XPO1: variants seen among roughly 807,000 people sequenced by gnomAD.
The protein encoded by XPO1 is exportin-1.
In XPO1, 5 loss-of-function variants were observed where a neutral mutation model predicts 133.3. That is an observed-to-expected ratio of 0.04 (90% CI 0.02 to 0.08). The LOEUF (loss-of-function observed/expected upper bound fraction) is 0.08. XPO1 is among the 10% of genes least tolerant of loss of function. XPO1 has a pLI of 1.00. For missense variants in XPO1, 506 were observed against 1,267.5 expected, an observed-to-expected ratio of 0.40 and a Z score of 9.12; for synonymous variants, 419 against 408.2, an observed-to-expected ratio of 1.03 and a Z score of -0.32.
intron 21 of XPO1, 22 bp from the exon 22 acceptor site, chr2:61,483,113 T>C: frequency 6.2e-7 from 1 of 1,600,188 alleles, no homozygotes; most frequent in Middle Eastern, 2.2e-4. Flanking sequence ...AGAATACCAA[T>C]GGAAAGTTAC....
rs774994664 is a variant in XPO1 at position 61,478,804 on chromosome 2, A to G, written c.*16T>C. Reference sequence around the variant, plus strand: ...CTAACGAGTTGCAGAGAAAAAAAACAGCATGAATTTGGATTTTAATCACAC... The same window carrying G: ...CTAACGAGTTGCAGAGAAAAAAAACGGCATGAATTTGGATTTTAATCACAC... On this transcript the variant is annotated 3_prime_UTR_variant, in exon 25 of 25. Transcript: ENST00000401558. 3.7e-6 allele frequency: 6 copies of G among 1,611,336 alleles called. No individual in the cohort carries two copies. The highest frequency in any genetic ancestry group is 5.1e-6 in the Non-Finnish European group (6 of 1,178,828).
Position 61,481,167 on chromosome 2 carries a change from G to A in XPO1, c.3069+18C>T. The A allele has an allele frequency of 3.9e-6, 6 of 1,551,062 alleles. No individual in the cohort carries two copies. Among genetic ancestry groups the A allele is most frequent in the Admixed American group, 1.9e-5 (1 of 52,982 alleles). On this transcript the variant is annotated intron_variant, in intron 24 of 24. Transcript: ENST00000401558. The stretch of plus-strand genomic sequence containing the variant: ...ACATCTACCCCTAATATTTCTGCAA[G>A]AGCAAATAAATACATACCTTTATTT...
At chr2:61,513,001 A>G (rs933081393) in intron 4 of XPO1, among the ~76,000 whole-genome samples, 2 of 152,212 alleles carry the variant, frequency 1.3e-5, no homozygotes, top group Admixed American at 6.5e-5. Flanking sequence ...TCTGTCTCAA[A>G]TAAATATATA....
intron 16 of XPO1, among the ~76,000 whole-genome samples, chr2:61,491,455 AACAAACAC>A (rs748719571): frequency 1.3e-3 from 123 of 91,308 alleles, no homozygotes; most frequent in Non-Finnish European, 2.0e-3. Context: ...CATCTCAAAA[AACAAACAC>A]ACACACACAC....
intron 11 of XPO1, among the ~76,000 whole-genome samples, chr2:61,494,936 G>C (rs1697172071): frequency 6.6e-6 from 1 of 151,628 alleles, no homozygotes; most frequent in Admixed American, 6.6e-5. Context: ...CAGCCTACTG[G>C]GCTAAAGCAA....
chr2:61,497,643 G>C (rs565562661), intron 9 of XPO1, among the ~76,000 whole-genome samples: 1 of 152,232 alleles, frequency 6.6e-6, no homozygotes, highest in African/African-American at 2.4e-5. Context: ...TGATTGCTTA[G>C]AATTTTGGGA....
chr2:61,514,605 A>AG (rs1455198243), intron 4 of XPO1, among the ~76,000 whole-genome samples: 4 of 151,524 alleles, frequency 2.6e-5, no homozygotes, highest in Non-Finnish European at 5.9e-5. Context: ...AAAAAAAAAA[A>AG]AAAAAAGAAA....
At chr2:61,499,167 A>G (rs1697383690) in intron 7 of XPO1, among the ~76,000 whole-genome samples, 1 of 152,250 alleles carries the variant, frequency 6.6e-6, no homozygotes, top group Admixed American at 6.5e-5. Flanking sequence ...CCAGTTGCTT[A>G]CTATTAGAGG....
Position 61,537,794 on chromosome 2 carries a change from C to G in XPO1, c.-239G>C, listed in dbSNP as rs531441382. ...ACACACACACACACACCCGCCCCCC[C>G]CCAAAAGGGGAATTAATCTGGGGAA... On this transcript the variant is annotated 5_prime_UTR_variant, in exon 1 of 25. Transcript: ENST00000401558. The G allele has an allele frequency of 1.3e-5, 2 of 155,200 alleles. No homozygotes were observed. The highest frequency in any genetic ancestry group is 2.1e-4 in the South Asian group (1 of 4,866). 9.6% of individuals were successfully genotyped at this position (155,200 alleles called of 1,614,324 possible). A position where few individuals can be genotyped will look rare whatever the true frequency, so the allele number is the denominator to read the frequency against.
rs147864835 is a variant in XPO1 at position 61,495,270 on chromosome 2, G to A, written c.1047+185C>T. ...ATAAATTTTTAGTCCTAGCTTTATG[G>A]AGAACATAAAATCAGAAAACTGGGC... On this transcript the variant is annotated intron_variant, in intron 11 of 24. Coordinates refer to ENST00000401558, the MANE Select transcript of XPO1 (RefSeq NM_003400.4). 4.8e-3 allele frequency among the ~76,000 whole-genome samples: 729 copies of A among 152,110 alleles called. 4 individuals carry two copies. The highest frequency in any genetic ancestry group is 0.017 in the African/African-American group (692 of 41,500).
At chr2:61,511,820 A>G (rs1698112797) in intron 4 of XPO1, among the ~76,000 whole-genome samples, 1 of 152,040 alleles carries the variant, frequency 6.6e-6, no homozygotes, top group Non-Finnish European at 1.5e-5. Flanking sequence ...ATGCAGTGGC[A>G]TGATCACAGC....
Position 61,478,918 on chromosome 2 carries a change from T to C in XPO1, c.3118A>G (p.Ile1040Val), listed in dbSNP as rs1696188907. 6.2e-7 allele frequency: 1 copy of C among 1,614,148 alleles called. No homozygotes were observed. ...TCTTCATCAGCCTGCCGTAGGGCTA[T>C]TTCTCTCTCTTCCAAAAACAAATCA... The part of the protein sequence containing the change: ...TSDLFLEERE[I>V]ALRQADEEKH... The change falls in exon 25 of 25, where the codon ATA becomes GTA. Residue 1040 changes from isoleucine (I) to valine (V), a missense_variant. Transcript: ENST00000401558.
chr2:61,536,572 A>G (rs1380469058), intron 1 of XPO1: 1 of 152,266 alleles, frequency 6.6e-6, no homozygotes, highest in East Asian at 1.9e-4. Context: ...AAGGCGAAAG[A>G]CTGCTCCTTA....
At chr2:61,482,901 G>A in intron 22 of XPO1, 56 bp downstream of exon 22, 2 of 1,604,746 alleles carry the variant, frequency 1.2e-6, no homozygotes, top group South Asian at 2.2e-5. Flanking sequence ...GGGATTATAG[G>A]CGTGAGGCCC....
rs35237510 is a variant in XPO1, at chr2:61,515,937, CCACACA to C, written c.301+6668_301+6673del. Among the ~76,000 whole-genome samples, 347 of 110,760 alleles carry C rather than the reference CCACACA, an allele frequency of 3.1e-3. 1 individual carries two copies. The highest frequency in any genetic ancestry group is 0.012 in the African/African-American group (303 of 25,728). 72.7% of individuals were successfully genotyped at this position (110,760 alleles called of 152,430 possible). A position where few individuals can be genotyped will look rare whatever the true frequency, so the allele number is the denominator to read the frequency against. On this transcript the variant is annotated intron_variant, in intron 4 of 24. Coordinates refer to ENST00000401558, the MANE Select transcript of XPO1 (RefSeq NM_003400.4). ...TCTCTACTAAAAAAAAAAAAAAAAA[CCACACA>C]CACACACACACACACACACACACAC... is the stretch of plus-strand genomic sequence containing the variant.
Position 61,499,583 on chromosome 2 carries a change from T to C in XPO1, c.590+130A>G, listed in dbSNP as rs147468669. The C allele has an allele frequency of 9.5e-5, 86 of 905,098 alleles. No individual in the cohort carries two copies. The African/African-American group carries it at 1.2e-3, about 13-fold the overall frequency. 56.1% of individuals were successfully genotyped at this position (905,098 alleles called of 1,614,324 possible). A position where few individuals can be genotyped will look rare whatever the true frequency, so the allele number is the denominator to read the frequency against. On this transcript the variant is annotated intron_variant, in intron 7 of 24. Transcript: ENST00000401558. The stretch of plus-strand genomic sequence containing the variant: ...TCTAGGACTATTTCTTAATCTGCAG[T>C]TGAAAACCACTACAAGCAATTTAAC...
At chr2:61,489,304 T>G (rs976751100) in intron 17 of XPO1, among the ~76,000 whole-genome samples, 4 of 150,438 alleles carry the variant, frequency 2.7e-5, no homozygotes, top group Non-Finnish European at 4.4e-5. Flanking sequence ...TCCCAGCCAC[T>G]TGGGAGGCTG....
chr2:61,505,015 T>C (rs1268438887), intron 4 of XPO1, among the ~76,000 whole-genome samples: 1 of 152,242 alleles, frequency 6.6e-6, no homozygotes, highest in African/African-American at 2.4e-5. Context: ...ATATATTTTT[T>C]ACATTTTGTT....
intron 17 of XPO1, among the ~76,000 whole-genome samples, chr2:61,489,817 G>C (rs1238013354): frequency 6.6e-6 from 1 of 151,918 alleles, no homozygotes; most frequent in African/African-American, 2.4e-5. Flanking sequence ...GCCTCCCAAA[G>C]TGCTGGGATT....
Sources: gnomAD v4.1 joint callset for allele counts (sites outside exome capture counted in the v4.1 genomes callset) on GRCh38, gnomAD v4.1.1 for gene constraint, MANE v1.5 for transcripts, NCBI Gene and HGNC (gene_info 2026-07-23, HGNC 2026-07-21) for gene names.